Variants in HNF4A observed in about 807,000 individuals in gnomAD.
HNF4A encodes hepatocyte nuclear factor 4-alpha.
HNF4A carries 15 observed loss-of-function variants against 52.4 expected under a neutral mutation model. The observed-to-expected ratio is 0.29, with a 90% CI of 0.19 to 0.44. The LOEUF (loss-of-function observed/expected upper bound fraction) is 0.44. Among genes scored for constraint, HNF4A ranks in the 20% least tolerant of loss-of-function variants. The pLI, the probability that HNF4A is intolerant of heterozygous loss-of-function variation, is 1.00. For synonymous variants in HNF4A, 280 were observed against 264.4 expected, an observed-to-expected ratio of 1.06 and a Z score of -0.57; for missense variants, 479 against 647.2, an observed-to-expected ratio of 0.74 and a Z score of 2.82.
rs564457070 is a variant in HNF4A, at chr20:44,376,231, C to G, written c.49+20378C>G. ...AGTGAGCCGAGATCATGCCACTGCA[C>G]TCCAGCCTGGGCAACAGACTGAGAC... is the stretch of plus-strand genomic sequence containing the variant. On this transcript the variant is annotated intron_variant, in intron 1 of 9. Transcript: ENST00000316673. 5.3e-5 allele frequency among the ~76,000 whole-genome samples: 8 copies of G among 152,298 alleles called. No individual in the cohort carries two copies. In the South Asian group the frequency reaches 1.5e-3, roughly 28 times the overall value.
At position 44,402,496 on chromosome 20, in the gene HNF4A, T is replaced by C. The variant is rs557673469; in HGVS notation, c.115+1009T>C. 31 of 1,208,596 alleles carry C rather than the reference T, an allele frequency of 2.6e-5. No individual in the cohort carries two copies. The African/African-American group carries it at 4.2e-4, about 16-fold the overall frequency. The allele number at this position is 1,208,596 out of a possible 1,614,324, so 74.9% of individuals were successfully genotyped here. A position where few individuals can be genotyped will look rare whatever the true frequency, so the allele number is the denominator to read the frequency against. ...CACAGACCCAAATGCAGGACTCTGT[T>C]GTTGCCACTCACCAAGTGAGATTCA... is the stretch of plus-strand genomic sequence containing the variant. On this transcript the variant is annotated intron_variant, in intron 1 of 9. Coordinates refer to ENST00000316099, the MANE Select transcript of HNF4A (RefSeq NM_000457.6).
chr20:44,407,756 GTTGTGT>G lies in HNF4A; in HGVS notation c.385+282_385+287del, dbSNP rs2063522546. ...GTCTGCGCCACCACAAAGCAGCCAC[GTTGTGT>G]GTGTGTGTGTGTGTGTGTGTGTGTG... On this transcript the variant is annotated intron_variant, in intron 3 of 9. Transcript: ENST00000316099. Among the ~76,000 whole-genome samples the G allele has an allele frequency of 3.1e-5, 3 of 96,494 alleles. 1 individual carries two copies. The highest frequency in any genetic ancestry group is 3.1e-4 in the Admixed American group (3 of 9,664). The allele number at this position is 96,494 out of a possible 152,430, so 63.3% of individuals were successfully genotyped here. A position where few individuals can be genotyped will look rare whatever the true frequency, so the allele number is the denominator to read the frequency against.
At chr20:44,369,672 CT>C (rs2146200210) in intron 1 of HNF4A, among the ~76,000 whole-genome samples, 1 of 152,118 alleles carries the variant, frequency 6.6e-6, no homozygotes, top group African/African-American at 2.4e-5. Context: ...TTCTTTCTTT[CT>C]TTTGTTTTTC....
chr20:44,428,511 C>T, intron 9 of HNF4A, 24 bp downstream of exon 9: 2 of 1,610,722 alleles, frequency 1.2e-6, no homozygotes, highest in Non-Finnish European at 1.7e-6. Flanking sequence ...GGGATTTTAC[C>T]TTGCAAAGGG....
intron 1 of HNF4A, chr20:44,392,215 C>G (rs569838938): frequency 6.6e-6 from 1 of 152,312 alleles, no homozygotes; most frequent in Admixed American, 6.5e-5. Flanking sequence ...TGGTGCCAAG[C>G]ACTGTCTGAA....
upstream of HNF4A, among the ~76,000 whole-genome samples, chr20:44,399,355 G>A (rs117796174): frequency 6.5e-3 from 983 of 152,232 alleles, 5 homozygotes; most frequent in Non-Finnish European, 1.0e-2. Flanking sequence ...TAAAGTTATC[G>A]GAATAGTGAC....
rs759096179 is a variant in HNF4A at position 44,429,505 on chromosome 20, G to C, written c.1283-18G>C. On this transcript the variant is annotated intron_variant, in intron 9 of 9. Transcript: ENST00000316099. Reference sequence around the variant, plus strand: ...CTGGAATTTTGAGCAGCCCCTGTCTGTCTGTTTGTCCTTCCAGCCACCCCT... The same window carrying C: ...CTGGAATTTTGAGCAGCCCCTGTCTCTCTGTTTGTCCTTCCAGCCACCCCT... 2 of 1,614,110 alleles carry C rather than the reference G, an allele frequency of 1.2e-6. No individual in the cohort carries two copies. The highest frequency in any genetic ancestry group is 2.2e-5 in the South Asian group (2 of 91,076).
At position 44,419,774 on chromosome 20, in the gene HNF4A, G is replaced by A. The variant is rs139779712; in HGVS notation, c.790G>A (p.Val264Met). The change falls in exon 7 of 10, where the codon GTG (valine) becomes ATG (methionine). Residue 264 changes from valine (V) to methionine (M), a missense_variant. Coordinates refer to ENST00000316099, the MANE Select transcript of HNF4A (RefSeq NM_000457.6). ...CCCGGAGCTGGCGGAGATGAGCCGG[G>A]TGTCCATACGCATCCTTGACGAGCT... 714 of 1,614,086 alleles carry A rather than the reference G, an allele frequency of 4.4e-4. No homozygotes were observed. Among genetic ancestry groups the A allele is most frequent in the Non-Finnish European group, 5.9e-4 (698 of 1,180,032 alleles).
At chr20:44,412,047 A>AC (rs1245142831) in intron 3 of HNF4A, among the ~76,000 whole-genome samples, 20 of 147,086 alleles carry the variant, frequency 1.4e-4, no homozygotes, top group African/African-American at 5.1e-4. Flanking sequence ...ACAAAATGAG[A>AC]CCCCATCTCG....
rs113308087 is a variant in HNF4A, at chr20:44,413,767, T to C, written c.459T>C (p.Asn153=). ...AGGACAGCAGCCTGCCCTCCATCAATGCGCTCCTGCAGGCGGAGGTCCTGT... is the reference window on the plus strand; with the variant it reads ...AGGACAGCAGCCTGCCCTCCATCAACGCGCTCCTGCAGGCGGAGGTCCTGT... The change falls in exon 4 of 10, where the codon AAT becomes AAC. Residue 153 remains asparagine, a synonymous_variant. Transcript: ENST00000316099. 2,941 of 1,613,766 alleles carry C rather than the reference T, an allele frequency of 1.8e-3. 35 individuals carry two copies. The African/African-American group carries it at 0.019, about 11-fold the overall frequency.
chr20:44,409,833 TC>T (rs1267516956), intron 3 of HNF4A, among the ~76,000 whole-genome samples: 1 of 77,546 alleles, frequency 1.3e-5, no homozygotes, highest in Non-Finnish European at 2.3e-5. Flanking sequence ...TGTTCCCTGG[TC>T]CCTTCTTTTT....
intron 5 of HNF4A, among the ~76,000 whole-genome samples, chr20:44,416,804 CA>C (rs1171973677): frequency 7.9e-5 from 12 of 152,232 alleles, no homozygotes; most frequent in Admixed American, 7.8e-4. Context: ...TTTCCTCTAA[CA>C]ACAATTTCAC....
intron 1 of HNF4A, among the ~76,000 whole-genome samples, chr20:44,395,239 C>T: frequency 6.6e-6 from 1 of 152,238 alleles, no homozygotes; most frequent in East Asian, 1.9e-4. Context: ...GGTCTGGGCC[C>T]CAAGTCTATG....
chr20:44,394,174 C>T (rs898024500), intron 1 of HNF4A, among the ~76,000 whole-genome samples: 5 of 152,140 alleles, frequency 3.3e-5, no homozygotes, highest in African/African-American at 7.2e-5. Context: ...AGGGGGAGAA[C>T]GGCATGGCAA....
chr20:44,428,906 A>G (rs1175813001), intron 9 of HNF4A, among the ~76,000 whole-genome samples: 2 of 152,230 alleles, frequency 1.3e-5, no homozygotes, highest in Non-Finnish European at 2.9e-5. Context: ...TCCAAAGTAT[A>G]AACTTGTCAT....
chr20:44,383,541 G>A (rs1415764122), intron 1 of HNF4A, among the ~76,000 whole-genome samples: 2 of 150,098 alleles, frequency 1.3e-5, no homozygotes, highest in East Asian at 4.0e-4. Flanking sequence ...AAGTACTCTT[G>A]GGGACCTCTT....
At chr20:44,375,226 G>A (rs1373065818) in intron 1 of HNF4A, among the ~76,000 whole-genome samples, 2 of 151,988 alleles carry the variant, frequency 1.3e-5, no homozygotes. Flanking sequence ...TTTTTGTTGG[G>A]GTTCTTTGTT....
chr20:44,378,145 T>C (rs2063106012), intron 1 of HNF4A, among the ~76,000 whole-genome samples: 1 of 152,200 alleles, frequency 6.6e-6, no homozygotes, highest in South Asian at 2.1e-4. Flanking sequence ...CTTTTGCCAT[T>C]TGAGCTTCCT....
chr20:44,408,451 G>T (rs991804479), intron 3 of HNF4A, among the ~76,000 whole-genome samples: 1 of 152,166 alleles, frequency 6.6e-6, no homozygotes, highest in Non-Finnish European at 1.5e-5. Context: ...GAGGCCAGGC[G>T]CAGTGAATCA....
Sources: gnomAD v4.1 joint callset for allele counts (sites outside exome capture counted in the v4.1 genomes callset) on GRCh38, gnomAD v4.1.1 for gene constraint, MANE v1.5 for transcripts, NCBI Gene and HGNC (gene_info 2026-07-23, HGNC 2026-07-21) for gene names.